The following FAM13C variants were observed in gnomAD, a reference collection of about 807,000 sequenced individuals.
FAM13C encodes the protein family with sequence similarity 13 member C, also known as protein FAM13C.
A neutral mutation model predicts 73.2 loss-of-function variants in FAM13C; 37 were observed. That is an observed-to-expected ratio of 0.51 (90% CI 0.39 to 0.67). The LOEUF (loss-of-function observed/expected upper bound fraction) is 0.67, where lower values mean the gene tolerates loss of function less well. Among genes scored for constraint, FAM13C ranks in the 30% least tolerant of loss-of-function variants. FAM13C has a pLI of 0.00. For missense variants in FAM13C, 589 were observed against 715.6 expected, an observed-to-expected ratio of 0.82 and a Z score of 2.02; for synonymous variants, 246 against 260.9, an observed-to-expected ratio of 0.94 and a Z score of 0.55.
At chr10:59,257,147 G>A (rs1389753543) in intron 10 of FAM13C, among the ~76,000 whole-genome samples, 2 of 152,120 alleles carry the variant, frequency 1.3e-5, no homozygotes, top group Non-Finnish European at 2.9e-5. Flanking sequence ...AGTATCAGGG[G>A]TATAACTAAG....
intron 6 of FAM13C, among the ~76,000 whole-genome samples, chr10:59,280,193 A>C (rs2133659437): frequency 6.6e-6 from 1 of 152,304 alleles, no homozygotes; most frequent in East Asian, 1.9e-4. Flanking sequence ...CTGGGAGTGA[A>C]GATTTCCTAG....
chr10:59,315,759 G>A (rs1849456872), intron 4 of FAM13C, among the ~76,000 whole-genome samples: 1 of 152,082 alleles, frequency 6.6e-6, no homozygotes, highest in Admixed American at 6.6e-5. Flanking sequence ...AAATACACAA[G>A]GAAGGGGAAG....
At position 59,283,458 on chromosome 10, in the gene FAM13C, A is replaced by G. The variant is rs778335696; in HGVS notation, c.508-11T>C. On this transcript the variant is annotated splice_polypyrimidine_tract_variant and intron_variant, in intron 5 of 13. Coordinates refer to ENST00000618804, the MANE Select transcript of FAM13C (RefSeq NM_198215.4). Reference sequence around the variant, plus strand: ...CTGAGCAGCTTCTTCCTGGTTTGTTAAAAATGCAGAGCACAGATCAGATTC... The same window carrying G: ...CTGAGCAGCTTCTTCCTGGTTTGTTGAAAATGCAGAGCACAGATCAGATTC... 2 of 1,613,994 alleles carry G rather than the reference A, an allele frequency of 1.2e-6. No homozygotes were observed. The highest frequency in any genetic ancestry group is 1.7e-6 in the Non-Finnish European group (2 of 1,179,862).
chr10:59,303,053 C>T (rs1018390468), intron 4 of FAM13C, among the ~76,000 whole-genome samples, 189 bp from the exon 5 acceptor site: 2 of 152,114 alleles, frequency 1.3e-5, no homozygotes, highest in Non-Finnish European at 2.9e-5. Flanking sequence ...ACCCTGACAG[C>T]CTCCCTGGTC....
At chr10:59,266,461 C>A (rs934047436) in intron 8 of FAM13C, among the ~76,000 whole-genome samples, 6 of 152,104 alleles carry the variant, frequency 3.9e-5, no homozygotes, top group Admixed American at 2.0e-4. Context: ...GGAAGGGGAG[C>A]CTTACACACA....
intron 5 of FAM13C, among the ~76,000 whole-genome samples, chr10:59,287,820 C>G (rs1475902328): frequency 6.6e-6 from 1 of 152,200 alleles, no homozygotes; most frequent in Non-Finnish European, 1.5e-5. Context: ...TGACTATCTC[C>G]AAACCCCAAA....
chr10:59,280,969 C>A (rs959404753), intron 6 of FAM13C, among the ~76,000 whole-genome samples: 4 of 152,190 alleles, frequency 2.6e-5, no homozygotes, highest in African/African-American at 9.7e-5. Context: ...GTTCATATCA[C>A]ATGTTCAAAT....
intron 13 of FAM13C, 91 bp from the exon 14 acceptor site, chr10:59,247,828 T>C: frequency 1.5e-6 from 2 of 1,321,128 alleles, no homozygotes; most frequent in Non-Finnish European, 1.0e-6. Flanking sequence ...AAGTATACTG[T>C]AACGGCCTCC....
intron 8 of FAM13C, among the ~76,000 whole-genome samples, chr10:59,265,806 T>A (rs904635389): frequency 2.6e-5 from 4 of 152,146 alleles, no homozygotes; most frequent in African/African-American, 4.8e-5. Flanking sequence ...GTTAAAAGGG[T>A]TAAATCAAAC....
At chr10:59,288,136 C>T (rs1050098094) in intron 5 of FAM13C, among the ~76,000 whole-genome samples, 1 of 152,200 alleles carries the variant, frequency 6.6e-6, no homozygotes, top group Non-Finnish European at 1.5e-5. Context: ...AGTTCACATT[C>T]AGAGATCCCT....
At chr10:59,306,360 G>T (rs1453168234) in intron 4 of FAM13C, among the ~76,000 whole-genome samples, 1 of 152,186 alleles carries the variant, frequency 6.6e-6, no homozygotes, top group East Asian at 1.9e-4. Context: ...ACAAGTTTGA[G>T]AACTGTAGTC....
chr10:59,256,865 ATTTTCTCTTCTGAATTCAATGGCTCTCTC>A (rs2133409191), intron 10 of FAM13C, among the ~76,000 whole-genome samples: 1 of 152,226 alleles, frequency 6.6e-6, no homozygotes, highest in South Asian at 2.1e-4. Context: ...GAATCAGATA[ATTTTCTCTTCTGAATTCAATGGCTCTCTC>A]TTTCTGAAGT....
chr10:59,331,632 G>A (rs1317124048), intron 3 of FAM13C, among the ~76,000 whole-genome samples: 1 of 152,136 alleles, frequency 6.6e-6, no homozygotes, highest in Non-Finnish European at 1.5e-5. Flanking sequence ...TGTGGCAAAT[G>A]GATTAGAAGG....
At chr10:59,327,299 A>T (rs1349798599) in intron 3 of FAM13C, among the ~76,000 whole-genome samples, 2 of 152,242 alleles carry the variant, frequency 1.3e-5, no homozygotes, top group African/African-American at 4.8e-5. Context: ...TAGCTTTCAA[A>T]GGTCTTGTGC....
At chr10:59,321,897 A>C (rs893316354) in intron 4 of FAM13C, among the ~76,000 whole-genome samples, 2 of 152,066 alleles carry the variant, frequency 1.3e-5, no homozygotes, top group Non-Finnish European at 2.9e-5. Context: ...TACAGTGTTC[A>C]TTATATTAAT....
intron 3 of FAM13C, 102 bp downstream of exon 3, chr10:59,352,167 TC>T: frequency 7.6e-7 from 1 of 1,320,178 alleles, no homozygotes. Context: ...GTCGTGCCAA[TC>T]CCCTCCCGCA....
intron 8 of FAM13C, among the ~76,000 whole-genome samples, chr10:59,265,172 C>G (rs1842893823): frequency 6.6e-6 from 1 of 151,854 alleles, no homozygotes; most frequent in Non-Finnish European, 1.5e-5. Context: ...AAACACAAGG[C>G]ATGATTCTGT....
At chr10:59,335,390 C>A (rs1479738013) in intron 3 of FAM13C, among the ~76,000 whole-genome samples, 1 of 152,174 alleles carries the variant, frequency 6.6e-6, no homozygotes. Flanking sequence ...TTGAGGAAGT[C>A]TTTAATTTGA....
chr10:59,294,283 G>T (rs954084770), intron 5 of FAM13C, among the ~76,000 whole-genome samples: 1 of 152,168 alleles, frequency 6.6e-6, no homozygotes, highest in Admixed American at 6.5e-5. Flanking sequence ...AGATATACAT[G>T]AAAGAATGAG....
Sources: allele counts gnomAD v4.1 joint callset (sites outside exome capture counted in the v4.1 genomes callset), GRCh38; gene constraint gnomAD v4.1.1; transcripts MANE v1.5; gene names NCBI Gene and HGNC (gene_info 2026-07-23, HGNC 2026-07-21).